Variants in THSD7A observed in about 807,000 individuals in gnomAD.
THSD7A encodes the protein thrombospondin type-1 domain-containing protein 7A.
THSD7A carries 96 observed loss-of-function variants against 231.3 expected under a neutral mutation model. The ratio of observed to expected loss-of-function variants is 0.41; its 90% CI spans 0.35 to 0.49. The LOEUF is 0.49. Among genes scored for constraint, THSD7A ranks in the 20% least tolerant of loss-of-function variants. THSD7A has a pLI of 0.05. For missense variants in THSD7A, 2,290 were observed against 2,070.2 expected (o/e 1.11, Z -2.06); for synonymous variants, 940 against 743.3 (o/e 1.26, Z -4.30).
At chr7:11,762,551 T>C (rs1782900567) in intron 1 of THSD7A, among the ~76,000 whole-genome samples, 1 of 152,164 alleles carries the variant, frequency 6.6e-6, no homozygotes, top group African/African-American at 2.4e-5. Context: ...TGTCTGTTCG[T>C]GTCCTTTGCC....
intron 4 of THSD7A, among the ~76,000 whole-genome samples, chr7:11,548,142 T>C (rs1331982002): frequency 2.6e-5 from 4 of 151,846 alleles, no homozygotes; most frequent in Non-Finnish European, 5.9e-5. Context: ...AGAGAGAAGA[T>C]CCTATTAAAC....
intron 1 of THSD7A, among the ~76,000 whole-genome samples, chr7:11,778,924 C>T (rs1783534622): frequency 1.3e-5 from 2 of 152,060 alleles, no homozygotes; most frequent in South Asian, 2.1e-4. Context: ...CTTTTACATA[C>T]TTTATCTTAT....
At chr7:11,477,567 G>A (rs1427061419) in intron 7 of THSD7A, among the ~76,000 whole-genome samples, 1 of 152,048 alleles carries the variant, frequency 6.6e-6, no homozygotes, top group African/African-American at 2.4e-5. Context: ...TGGATCCATG[G>A]TTTCCTATTT....
chr7:11,809,997 G>A (rs1384850239), intron 1 of THSD7A, among the ~76,000 whole-genome samples: 1 of 152,026 alleles, frequency 6.6e-6, no homozygotes, highest in Non-Finnish European at 1.5e-5. Flanking sequence ...GAAACTGAGG[G>A]ACATGAAAAA....
At chr7:11,719,552 A>G (rs1781273314) in intron 1 of THSD7A, among the ~76,000 whole-genome samples, 1 of 151,592 alleles carries the variant, frequency 6.6e-6, no homozygotes, top group South Asian at 2.1e-4. Context: ...AGGTACTTCC[A>G]TGTCCACATG....
intron 2 of THSD7A, among the ~76,000 whole-genome samples, chr7:11,594,440 C>A (rs538962771): frequency 1.3e-5 from 2 of 151,976 alleles, no homozygotes; most frequent in East Asian, 3.9e-4. Context: ...AATATTAGAC[C>A]CCAAAATGCT....
chr7:11,784,756 G>C (rs893461755), intron 1 of THSD7A, among the ~76,000 whole-genome samples: 11 of 152,026 alleles, frequency 7.2e-5, no homozygotes, highest in Non-Finnish European at 2.9e-5. Flanking sequence ...GCTGGTTGTA[G>C]TTCCACTTGC....
intron 1 of THSD7A, among the ~76,000 whole-genome samples, chr7:11,782,126 T>A (rs780402659): frequency 2.6e-4 from 39 of 152,266 alleles, no homozygotes; most frequent in Non-Finnish European, 4.1e-4. Flanking sequence ...GTAATTTTTT[T>A]AAAAAAGAAA....
At chr7:11,656,710 A>T (rs1415274152) in intron 1 of THSD7A, among the ~76,000 whole-genome samples, 1 of 151,846 alleles carries the variant, frequency 6.6e-6, no homozygotes, top group Non-Finnish European at 1.5e-5. Flanking sequence ...AATTTTAAAC[A>T]TCAACATATC....
At chr7:11,461,968 A>AT in intron 10 of THSD7A, 43 bp downstream of exon 10, 16 of 1,598,688 alleles carry the variant, frequency 1.0e-5, no homozygotes, top group Non-Finnish European at 1.4e-5. Context: ...GAGTTGACGT[A>AT]TTTGTTCAGC....
chr7:11,799,321 C>T (rs1344438607), intron 1 of THSD7A, among the ~76,000 whole-genome samples: 3 of 152,248 alleles, frequency 2.0e-5, no homozygotes, highest in African/African-American at 7.2e-5. Context: ...AGTGCTTTAT[C>T]TTCCAGTGGA....
In THSD7A at chr7:11,726,574, T is replaced by A. The variant is rs139098240; in HGVS notation, c.191-89613A>T. On this transcript the variant is annotated intron_variant, in intron 1 of 27. Coordinates refer to ENST00000423059, the MANE Select transcript of THSD7A (RefSeq NM_015204.3). ...TTTTTTGCACCCTAATGGTTCCCTT[T>A]CCCCTTTTGCATTAACTTGATTGAG... 1.4e-4 allele frequency among the ~76,000 whole-genome samples: 21 copies of A among 152,100 alleles called. 1 individual carries two copies. Among genetic ancestry groups the A allele is most frequent in the African/African-American group, 5.1e-4 (21 of 41,544 alleles).
At position 11,769,153 on chromosome 7, in the gene THSD7A, A is replaced by ATATAT; in HGVS notation, c.190+62603_190+62604insATATA. Among the ~76,000 whole-genome samples the ATATAT allele has an allele frequency of 9.3e-3, 256 of 27,620 alleles. 5 individuals carry two copies. The highest frequency in any genetic ancestry group is 0.014 in the South Asian group (10 of 702). 18.1% of individuals were successfully genotyped at this position (27,620 alleles called of 152,430 possible). A position where few individuals can be genotyped will look rare whatever the true frequency, so the allele number is the denominator to read the frequency against. On this transcript the variant is annotated intron_variant, in intron 1 of 27. Coordinates refer to ENST00000423059, the MANE Select transcript of THSD7A (RefSeq NM_015204.3). Reference sequence around the variant, plus strand: ...TATATATATATATATATATATATATATTTTTTTTTTTTTTTGGTATTTTTG... The same window carrying ATATAT: ...TATATATATATATATATATATATATATATATTTTTTTTTTTTTTTTGGTATTTTTG...
chr7:11,428,966 T>C lies in THSD7A; in HGVS notation c.3224A>G (p.Lys1075Arg). 1 of 1,610,248 alleles carries C rather than the reference T, an allele frequency of 6.2e-7. No homozygotes were observed. The highest frequency in any genetic ancestry group is 8.5e-7 in the Non-Finnish European group (1 of 1,178,378). Residue 1075 changes from lysine (K) to arginine (R), a missense_variant, in exon 14 of 28, where the codon AAA (lysine) becomes AGA (arginine). Physicochemically the swap from Lys to Arg is conservative, Grantham distance 26. Coordinates refer to ENST00000423059, the MANE Select transcript of THSD7A (RefSeq NM_015204.3). ...KPYNGGRPCP[K>R]LDHVNQAQVY... Reference sequence around the variant, plus strand: ...AAATACCTGGTTGACATGGTCCAGTTTGGGGCAAGGCCTTCCTCCATTATA... The same window carrying C: ...AAATACCTGGTTGACATGGTCCAGTCTGGGGCAAGGCCTTCCTCCATTATA...
At chr7:11,621,845 C>T (rs1781320071) in intron 2 of THSD7A, among the ~76,000 whole-genome samples, 1 of 152,102 alleles carries the variant, frequency 6.6e-6, no homozygotes, top group Non-Finnish European at 1.5e-5. Flanking sequence ...GATCAAAATA[C>T]TCAATGGCCT....
intron 17 of THSD7A, among the ~76,000 whole-genome samples, chr7:11,415,404 A>G (rs1464924211): frequency 1.3e-5 from 2 of 152,160 alleles, no homozygotes; most frequent in South Asian, 2.1e-4. Context: ...TACCAATTAT[A>G]CCAATTGTAA....
chr7:11,610,259 G>T (rs1780877751), intron 2 of THSD7A, among the ~76,000 whole-genome samples: 1 of 152,048 alleles, frequency 6.6e-6, no homozygotes, highest in Non-Finnish European at 1.5e-5. Context: ...CATGTGTAAT[G>T]CTATTTAGTC....
chr7:11,506,790 C>G (rs977574638), intron 6 of THSD7A, among the ~76,000 whole-genome samples: 2 of 152,182 alleles, frequency 1.3e-5, no homozygotes, highest in African/African-American at 2.4e-5. Flanking sequence ...GTTCAGCCTG[C>G]TCCCTGATAT....
chr7:11,531,266 C>T lies in THSD7A; in HGVS notation c.1822+10153G>A, dbSNP rs898753606. Among the ~76,000 whole-genome samples the T allele has an allele frequency of 3.3e-5, 5 of 152,236 alleles. No homozygotes were observed. In the East Asian group the frequency reaches 5.8e-4, roughly 18 times the overall value. On this transcript the variant is annotated intron_variant, in intron 6 of 27. Transcript: ENST00000423059. ...TCTCTCATTGGAATTATAGCTGAAG[C>T]TATAGTCTCCTCACTGCTGCTTCTC...
Sources: allele counts gnomAD v4.1 joint callset (sites outside exome capture counted in the v4.1 genomes callset), GRCh38; gene constraint gnomAD v4.1.1; transcripts MANE v1.5; gene names NCBI Gene and HGNC (gene_info 2026-07-23, HGNC 2026-07-21).